Variants in CGNL1 observed in about 807,000 individuals in gnomAD.
The protein encoded by CGNL1 is cingulin-like protein 1.
A neutral mutation model predicts 141.2 loss-of-function variants in CGNL1; 132 were observed. The observed-to-expected ratio is 0.93, with a 90% confidence interval of 0.81 to 1.08. CGNL1 has a LOEUF of 1.08. CGNL1 is among the 50% of genes least tolerant of loss of function. The pLI is 0.00. For missense variants in CGNL1, 1,870 were observed against 1,588.6 expected (o/e 1.18, Z -3.01); for synonymous variants, 690 against 622.1 (o/e 1.11, Z -1.63).
intron 1 of CGNL1, among the ~76,000 whole-genome samples, chr15:57,409,452 G>C (rs2062761266): frequency 6.6e-6 from 1 of 152,212 alleles, no homozygotes. Context: ...GGGGAGAACA[G>C]GTTGGAGGAA....
At chr15:57,385,569 A>G (rs1456886712) in intron 1 of CGNL1, among the ~76,000 whole-genome samples, 1 of 152,132 alleles carries the variant, frequency 6.6e-6, no homozygotes, top group African/African-American at 2.4e-5. Context: ...GGTCTCATTC[A>G]CTTGGATTGG....
intron 8 of CGNL1, among the ~76,000 whole-genome samples, chr15:57,465,653 A>C (rs200730485): frequency 1.3e-3 from 129 of 101,358 alleles, no homozygotes; most frequent in Admixed American, 2.8e-3. Flanking sequence ...AACCTCCCCA[A>C]AAAAAAAGGA....
chr15:57,508,171 A>G (rs1342728998), intron 8 of CGNL1, among the ~76,000 whole-genome samples: 2 of 151,276 alleles, frequency 1.3e-5, no homozygotes, highest in Non-Finnish European at 2.9e-5. Flanking sequence ...TGCACTATTT[A>G]TTTGTGCCCC....
intron 8 of CGNL1, among the ~76,000 whole-genome samples, chr15:57,470,151 T>C (rs1386742968): frequency 6.6e-6 from 1 of 151,874 alleles, no homozygotes; most frequent in Non-Finnish European, 1.5e-5. Context: ...AAAATATCTC[T>C]TTTCCACAGA....
intron 1 of CGNL1, among the ~76,000 whole-genome samples, chr15:57,410,352 C>T (rs913494963): frequency 9.9e-5 from 15 of 152,192 alleles, no homozygotes; most frequent in African/African-American, 3.4e-4. Flanking sequence ...TCAGTAAACC[C>T]TAGTTCCTTA....
intron 1 of CGNL1, among the ~76,000 whole-genome samples, chr15:57,425,528 A>C (rs1211037436): frequency 1.3e-5 from 2 of 152,186 alleles, no homozygotes; most frequent in Non-Finnish European, 2.9e-5. Flanking sequence ...GGATCACTTG[A>C]GGTCAGGAGT....
chr15:57,495,934 G>A lies in CGNL1; in HGVS notation c.2404-20846G>A, dbSNP rs78324487. Among the ~76,000 whole-genome samples the A allele has an allele frequency of 8.0e-3, 1,220 of 152,100 alleles. 16 individuals carry two copies. Among genetic ancestry groups the A allele is most frequent in the African/African-American group, 0.028 (1,179 of 41,490 alleles). On this transcript the variant is annotated intron_variant, in intron 8 of 18. Coordinates refer to ENST00000281282, the MANE Select transcript of CGNL1 (RefSeq NM_032866.5). ...AACTAATTGACAAAAAAAAATGAAAGCATATTTCCAGAAGGCCAAGAATGT... is the reference window on the plus strand; with the variant it reads ...AACTAATTGACAAAAAAAAATGAAAACATATTTCCAGAAGGCCAAGAATGT...
intron 1 of CGNL1, among the ~76,000 whole-genome samples, chr15:57,385,658 A>G (rs2062474533): frequency 6.6e-6 from 1 of 152,136 alleles, no homozygotes; most frequent in Non-Finnish European, 1.5e-5. Context: ...CCTCTGTAAA[A>G]TAGATGTAAT....
At chr15:57,401,981 A>G (rs1229140438) in intron 1 of CGNL1, 2 of 152,274 alleles carry the variant, frequency 1.3e-5, no homozygotes, top group South Asian at 2.1e-4. Context: ...GTCCTTCTAC[A>G]TACTGCTTGG....
chr15:57,421,649 G>A (rs2062916354), intron 1 of CGNL1, among the ~76,000 whole-genome samples: 2 of 152,140 alleles, frequency 1.3e-5, no homozygotes, highest in Non-Finnish European at 1.5e-5. Flanking sequence ...GCCTGCTTTA[G>A]AGCAGGAGAG....
At chr15:57,428,487 G>A (rs765093595) in intron 1 of CGNL1, among the ~76,000 whole-genome samples, 2 of 152,174 alleles carry the variant, frequency 1.3e-5, no homozygotes, top group African/African-American at 4.8e-5. Flanking sequence ...TGATGTGTGT[G>A]TCTGACTCAG....
rs1400388975 is a variant in CGNL1 at position 57,528,753 on chromosome 15, T to C, written c.3139T>C (p.Tyr1047His). 1.9e-6 allele frequency: 3 copies of C among 1,613,830 alleles called. No individual in the cohort carries two copies. Among genetic ancestry groups the C allele is most frequent in the South Asian group, 1.1e-5 (1 of 91,068 alleles). The change falls in exon 13 of 19, where the codon TAT becomes CAT. Residue 1047 changes from tyrosine to histidine, a missense_variant. Tyr to His is a moderately conservative substitution (Grantham distance 83). Transcript: ENST00000281282. ...GGAGCAGACGCTGAAGGACCTGGAG[T>C]ATGAGCTGGAAGCCAAGAGTCACCT... ...LLEQTLKDLE[Y>H]ELEAKSHLKD...
chr15:57,454,852 A>G (rs1053019247), intron 7 of CGNL1, among the ~76,000 whole-genome samples: 8 of 151,900 alleles, frequency 5.3e-5, no homozygotes, highest in African/African-American at 1.9e-4. Flanking sequence ...AAGAAGATAT[A>G]TGTATTTATC....
At chr15:57,520,005 C>G (rs746244364) in intron 10 of CGNL1, among the ~76,000 whole-genome samples, 1 of 152,180 alleles carries the variant, frequency 6.6e-6, no homozygotes, top group Non-Finnish European at 1.5e-5. Flanking sequence ...CCCCACCCAC[C>G]CCCATCTGTG....
chr15:57,460,940 A>G (rs1194899299), intron 7 of CGNL1, among the ~76,000 whole-genome samples: 1 of 152,024 alleles, frequency 6.6e-6, no homozygotes, highest in Non-Finnish European at 1.5e-5. Flanking sequence ...GTGGAGAGGG[A>G]GCCAAGATGC....
chr15:57,503,244 A>T (rs543778128), intron 8 of CGNL1, among the ~76,000 whole-genome samples: 1 of 152,192 alleles, frequency 6.6e-6, no homozygotes, highest in African/African-American at 2.4e-5. Flanking sequence ...CCTACTCCTG[A>T]TGAGGTGGCC....
chr15:57,419,319 A>G (rs2062887558), intron 1 of CGNL1, among the ~76,000 whole-genome samples: 1 of 152,218 alleles, frequency 6.6e-6, no homozygotes, highest in Admixed American at 6.5e-5. Flanking sequence ...TACAGAAACT[A>G]CACCCAATTT....
chr15:57,411,007 C>T (rs1323529067), intron 1 of CGNL1, among the ~76,000 whole-genome samples: 3 of 151,944 alleles, frequency 2.0e-5, no homozygotes, highest in African/African-American at 7.3e-5. Flanking sequence ...GTTACTGTAC[C>T]ACAAAGACCA....
chr15:57,473,250 C>T (rs186852366), intron 8 of CGNL1, among the ~76,000 whole-genome samples: 1 of 152,216 alleles, frequency 6.6e-6, no homozygotes, highest in Non-Finnish European at 1.5e-5. Flanking sequence ...GTTATACTCT[C>T]TCTGACCCTC....
Sources: gnomAD v4.1 joint callset for allele counts (sites outside exome capture counted in the v4.1 genomes callset) on GRCh38, gnomAD v4.1.1 for gene constraint, MANE v1.5 for transcripts, NCBI Gene and HGNC (gene_info 2026-07-23, HGNC 2026-07-21) for gene names.